ERICH5: variants seen among roughly 807,000 people sequenced by gnomAD.
ERICH5 encodes glutamate rich 5, also known as glutamate-rich protein 5.
Under a neutral mutation model 28.0 loss-of-function variants are expected in ERICH5, and 24 were observed. The observed-to-expected ratio is 0.86, with a 90% CI of 0.62 to 1.21. The LOEUF (loss-of-function observed/expected upper bound fraction) is 1.21, where lower values mean the gene tolerates loss of function less well. Among genes scored for constraint, ERICH5 ranks in the 50% most tolerant of loss-of-function variants. The pLI is 0.00. For synonymous variants in ERICH5, 163 were observed against 157.6 expected (o/e 1.03, Z -0.25); for missense variants, 421 against 441.2 (o/e 0.95, Z 0.41).
chr8:98,073,613 G>A (rs189505089), intron 1 of ERICH5, among the ~76,000 whole-genome samples: 2 of 141,670 alleles, frequency 1.4e-5, no homozygotes, highest in Non-Finnish European at 3.0e-5. Flanking sequence ...TGTGATCTTG[G>A]CTTACTGCAA....
intron 1 of ERICH5, among the ~76,000 whole-genome samples, chr8:98,073,952 C>CT (rs1473517136): frequency 6.9e-6 from 1 of 144,234 alleles, no homozygotes; most frequent in East Asian, 2.0e-4. Context: ...GGGTCTCACT[C>CT]TGTCACCCAG....
At chr8:98,073,518 A>C (rs867604438) in intron 1 of ERICH5, among the ~76,000 whole-genome samples, 1,312 of 8,108 alleles carry the variant, frequency 0.16, 425 homozygotes, top group African/African-American at 0.33. Flanking sequence ...ATATATATGT[A>C]TATATATATA....
intron 2 of ERICH5, among the ~76,000 whole-genome samples, chr8:98,091,824 CTTTCTT>C (rs1292495553): frequency 2.7e-5 from 4 of 149,878 alleles, no homozygotes; most frequent in East Asian, 1.9e-4. Context: ...CTTTCTTTTT[CTTTCTT>C]TTTCTTTTTC....
intron 1 of ERICH5, among the ~76,000 whole-genome samples, chr8:98,073,373 T>G (rs1814955753): frequency 7.3e-6 from 1 of 137,484 alleles, no homozygotes; most frequent in African/African-American, 2.7e-5. Context: ...GGCCAGGAGT[T>G]CAAGACCAGC....
chr8:98,091,880 C>CTT (rs1382285276), intron 2 of ERICH5, among the ~76,000 whole-genome samples: 12 of 94,438 alleles, frequency 1.3e-4, no homozygotes, highest in African/African-American at 4.6e-4. Context: ...TTCTTTCTTT[C>CTT]TTTCTTTCTT....
chr8:98,091,900 C>CTTCCTTCCTTCCTTT, intron 2 of ERICH5, among the ~76,000 whole-genome samples: 4 of 74,676 alleles, frequency 5.4e-5, no homozygotes, highest in African/African-American at 2.2e-4. Flanking sequence ...TTCTTTCTTT[C>CTTCCTTCCTTCCTTT]CTTTCTTTCT....
At chr8:98,077,631 C>T (rs1279183999) in intron 1 of ERICH5, among the ~76,000 whole-genome samples, 1 of 152,188 alleles carries the variant, frequency 6.6e-6, no homozygotes, top group Non-Finnish European at 1.5e-5. Context: ...AAAGTTCAGC[C>T]TCTCCCCTAG....
At chr8:98,088,877 A>G (rs1370805928) in intron 1 of ERICH5, among the ~76,000 whole-genome samples, 199 bp from the exon 2 acceptor site, 1 of 152,182 alleles carries the variant, frequency 6.6e-6, no homozygotes. Context: ...TTAAGATTAA[A>G]TGTTTGAGCT....
intron 1 of ERICH5, among the ~76,000 whole-genome samples, chr8:98,076,173 C>T (rs1815050039): frequency 6.6e-6 from 1 of 152,146 alleles, no homozygotes; most frequent in African/African-American, 2.4e-5. Context: ...CCTGCCTCAG[C>T]CTCCTGAGTA....
intron 2 of ERICH5, 29 bp from the exon 3 acceptor site, chr8:98,093,192 C>G (rs764037306): frequency 2.7e-6 from 4 of 1,464,014 alleles, no homozygotes; most frequent in South Asian, 1.2e-5. Flanking sequence ...ATAAATGTCT[C>G]TTAGTATCTC....
At chr8:98,071,314 C>A (rs1324245764) in intron 1 of ERICH5, among the ~76,000 whole-genome samples, 3 of 152,004 alleles carry the variant, frequency 2.0e-5, no homozygotes, top group Admixed American at 1.3e-4. Context: ...GTAAGGTGGC[C>A]CCACAACCAG....
intron 1 of ERICH5, among the ~76,000 whole-genome samples, chr8:98,087,430 T>C (rs1815302238): frequency 6.6e-6 from 1 of 151,390 alleles, no homozygotes; most frequent in South Asian, 2.1e-4. Context: ...CTGAGGTGGA[T>C]GGTAACTTAG....
intron 2 of ERICH5, among the ~76,000 whole-genome samples, chr8:98,091,873 TTTCTTTCTTTC>T (rs1815397389): frequency 3.2e-5 from 3 of 92,550 alleles, no homozygotes; most frequent in Admixed American, 1.3e-4. Flanking sequence ...TCTTTCTTTC[TTTCTTTCTTTC>T]TTTCTTTCTT....
chr8:98,079,677 T>C (rs1261827814), intron 1 of ERICH5, among the ~76,000 whole-genome samples: 3 of 152,082 alleles, frequency 2.0e-5, no homozygotes, highest in African/African-American at 2.4e-5. Flanking sequence ...GTAGCTGGGA[T>C]TACAAGCATC....
At position 98,079,600 on chromosome 8, in the gene ERICH5, C is replaced by T. The variant is rs28663076; in HGVS notation, c.59-9476C>T. On this transcript the variant is annotated intron_variant, in intron 1 of 2. Coordinates refer to ENST00000318528, the MANE Select transcript of ERICH5 (RefSeq NM_173549.3). ...TGTTGCTCAGGCTGGAGTGCAGTGG[C>T]GCAATCTTGGCTCACTGCAACCTCC... Among the ~76,000 whole-genome samples the T allele has an allele frequency of 3.2e-3, 493 of 152,244 alleles. 3 individuals are homozygous for T. The highest frequency in any genetic ancestry group is 0.011 in the African/African-American group (460 of 41,530).
At position 98,089,135 on chromosome 8, in the gene ERICH5, A is replaced by G; in HGVS notation, c.118A>G (p.Lys40Glu). The G allele has an allele frequency of 6.2e-7, 1 of 1,614,184 alleles. No homozygotes were observed. Among genetic ancestry groups the G allele is most frequent in the Non-Finnish European group, 8.5e-7 (1 of 1,180,036 alleles). Reference protein sequence around the residue: ...EESESCFAQPKPHALGRESTV... With the variant: ...EESESCFAQPEPHALGRESTV... ...AAGTGAGTCCTGCTTTGCCCAACCA[A>G]AGCCACATGCACTGGGAAGAGAATC... The change falls in exon 2 of 3, where the codon AAG becomes GAG. Residue 40 changes from lysine (K) to glutamate (E), a missense_variant. Physicochemically the swap from Lys to Glu is moderately conservative, Grantham distance 56. Coordinates refer to ENST00000318528, the MANE Select transcript of ERICH5 (RefSeq NM_173549.3).
chr8:98,078,284 CAAAG>C (rs1815096986), intron 1 of ERICH5, among the ~76,000 whole-genome samples: 1 of 152,114 alleles, frequency 6.6e-6, no homozygotes, highest in African/African-American at 2.4e-5. Context: ...AAGGCAAAAG[CAAAG>C]TAAGAAAATG....
intron 1 of ERICH5, among the ~76,000 whole-genome samples, chr8:98,079,166 CTTTTTTTTTTTTT>C (rs528062932): frequency 1.3e-4 from 10 of 75,588 alleles, no homozygotes; most frequent in East Asian, 6.7e-4. Context: ...TTTTTTTTTC[CTTTTTTTTTTTTT>C]TTTTTTTTTG....
intron 1 of ERICH5, among the ~76,000 whole-genome samples, chr8:98,072,375 C>T (rs1263099540): frequency 6.6e-6 from 1 of 152,188 alleles, no homozygotes; most frequent in Non-Finnish European, 1.5e-5. Context: ...TGGCTCATGC[C>T]TGTGAGCACA....
Sources: gnomAD v4.1 joint callset for allele counts (sites outside exome capture counted in the v4.1 genomes callset) on GRCh38, gnomAD v4.1.1 for gene constraint, MANE v1.5 for transcripts, NCBI Gene and HGNC (gene_info 2026-07-23, HGNC 2026-07-21) for gene names.